Variants in SEMA3E observed in about 807,000 individuals in gnomAD.
SEMA3E encodes semaphorin 3E.
In SEMA3E, 49 loss-of-function variants were observed where a neutral mutation model predicts 93.6. The ratio of observed to expected loss-of-function variants is 0.52; its 90% CI spans 0.42 to 0.66. The LOEUF (loss-of-function observed/expected upper bound fraction) is 0.66. Ranked by LOEUF, SEMA3E falls within the 30% of genes least tolerant of loss-of-function variation. SEMA3E has a pLI of 0.00. For missense variants in SEMA3E, 906 were observed against 964.8 expected (o/e 0.94, Z 0.81); for synonymous variants, 363 against 330.7 (o/e 1.10, Z -1.06).
At chr7:83,619,160 C>A (rs1221690225) in intron 1 of SEMA3E, among the ~76,000 whole-genome samples, 1 of 151,346 alleles carries the variant, frequency 6.6e-6, no homozygotes, top group Admixed American at 6.6e-5. Context: ...TATTTTTGTT[C>A]TTATTATGTA....
chr7:83,438,492 A>G (rs1789047819), intron 4 of SEMA3E, among the ~76,000 whole-genome samples: 1 of 152,178 alleles, frequency 6.6e-6, no homozygotes, highest in African/African-American at 2.4e-5. Flanking sequence ...AAATGTAAGT[A>G]TGATTGGCTA....
intron 1 of SEMA3E, among the ~76,000 whole-genome samples, chr7:83,542,863 T>TAAAAA (rs1395346614): frequency 2.6e-5 from 4 of 152,146 alleles, no homozygotes; most frequent in African/African-American, 7.2e-5. Flanking sequence ...TGGTAGATCT[T>TAAAAA]GAAAAACTTT....
At chr7:83,560,564 A>G (rs538138595) in intron 1 of SEMA3E, among the ~76,000 whole-genome samples, 1 of 152,152 alleles carries the variant, frequency 6.6e-6, no homozygotes, top group Non-Finnish European at 1.5e-5. Flanking sequence ...CTATTTGTAA[A>G]TTCATTTCAA....
In SEMA3E at chr7:83,454,272, A is replaced by T. The variant is rs7795324; in HGVS notation, c.456+12210T>A. ...GACTCCGACTCAAAAAAAAAAAAAAAATATATATATATATATATATATATA... is the reference window on the plus strand; with the variant it reads ...GACTCCGACTCAAAAAAAAAAAAAATATATATATATATATATATATATATA... On this transcript the variant is annotated intron_variant, in intron 4 of 16. Coordinates refer to ENST00000643230, the MANE Select transcript of SEMA3E (RefSeq NM_012431.3). 3.9e-3 allele frequency among the ~76,000 whole-genome samples: 433 copies of T among 109,994 alleles called. 4 individuals carry two copies. The highest frequency in any genetic ancestry group is 0.018 in the African/African-American group (415 of 22,992). 72.2% of individuals were successfully genotyped at this position (109,994 alleles called of 152,430 possible).
intron 3 of SEMA3E, among the ~76,000 whole-genome samples, chr7:83,468,842 A>G (rs1789831956): frequency 6.6e-6 from 1 of 152,194 alleles, no homozygotes; most frequent in African/African-American, 2.4e-5. Flanking sequence ...CCTCTCTCAA[A>G]CTTTTTGTTT....
chr7:83,494,204 A>G (rs1790442631), intron 1 of SEMA3E, among the ~76,000 whole-genome samples: 1 of 151,764 alleles, frequency 6.6e-6, no homozygotes, highest in Admixed American at 6.6e-5. Flanking sequence ...TCATCCGCTA[A>G]TATCTGTTAC....
intron 1 of SEMA3E, among the ~76,000 whole-genome samples, chr7:83,617,650 A>C (rs1472279354): frequency 2.6e-5 from 2 of 75,494 alleles, no homozygotes; most frequent in Non-Finnish European, 2.9e-5. Flanking sequence ...AATATAATTT[A>C]TTAATTAATA....
At chr7:83,498,440 T>A (rs1053384554) in intron 1 of SEMA3E, among the ~76,000 whole-genome samples, 3 of 152,144 alleles carry the variant, frequency 2.0e-5, no homozygotes, top group African/African-American at 7.2e-5. Flanking sequence ...AATTTAGAGA[T>A]AATTTTTTTC....
At chr7:83,611,170 C>T (rs1380711278) in intron 1 of SEMA3E, among the ~76,000 whole-genome samples, 3 of 149,946 alleles carry the variant, frequency 2.0e-5, no homozygotes, top group South Asian at 2.1e-4. Context: ...TTAAGAAATC[C>T]CGTCTCTTAC....
At chr7:83,445,689 G>T (rs190229731) in intron 4 of SEMA3E, among the ~76,000 whole-genome samples, 25 of 152,200 alleles carry the variant, frequency 1.6e-4, no homozygotes, top group African/African-American at 6.0e-4. Flanking sequence ...TTGCATTCCA[G>T]CCTGGGCAAC....
intron 4 of SEMA3E, among the ~76,000 whole-genome samples, chr7:83,444,546 G>C (rs1468442026): frequency 1.3e-5 from 2 of 152,164 alleles, no homozygotes; most frequent in African/African-American, 4.8e-5. Flanking sequence ...ATCCAACAGA[G>C]GGTAGATGTA....
chr7:83,516,082 C>G (rs1790921738), intron 1 of SEMA3E, among the ~76,000 whole-genome samples: 1 of 151,184 alleles, frequency 6.6e-6, no homozygotes, highest in South Asian at 2.1e-4. Flanking sequence ...GAAAGGAAAA[C>G]AACTGTTTGT....
chr7:83,631,368 A>G (rs536790874), intron 1 of SEMA3E, among the ~76,000 whole-genome samples: 3 of 152,306 alleles, frequency 2.0e-5, no homozygotes, highest in Non-Finnish European at 2.9e-5. Context: ...ATATACTTTA[A>G]TTAAAATTTA....
intron 1 of SEMA3E, among the ~76,000 whole-genome samples, chr7:83,514,249 C>G (rs1790883743): frequency 6.6e-6 from 1 of 152,096 alleles, no homozygotes; most frequent in South Asian, 2.1e-4. Flanking sequence ...AATGGGCAAC[C>G]AGCAGCCCTC....
intron 1 of SEMA3E, among the ~76,000 whole-genome samples, chr7:83,616,009 T>G (rs377139447): frequency 6.6e-6 from 1 of 150,514 alleles, no homozygotes; most frequent in Non-Finnish European, 1.5e-5. Flanking sequence ...AAAAAAAACA[T>G]TGGTAAATTG....
At chr7:83,409,250 G>T (rs1039510119) in intron 5 of SEMA3E, among the ~76,000 whole-genome samples, 3 of 152,054 alleles carry the variant, frequency 2.0e-5, no homozygotes, top group African/African-American at 4.8e-5. Context: ...ATAACTTAAG[G>T]GAGAGTATAA....
At chr7:83,577,951 A>C (rs1264397544) in intron 1 of SEMA3E, among the ~76,000 whole-genome samples, 1 of 152,044 alleles carries the variant, frequency 6.6e-6, no homozygotes, top group Admixed American at 6.5e-5. Context: ...TTTTACCTTT[A>C]AATAAAGTCA....
chr7:83,587,198 A>G (rs537897965), intron 1 of SEMA3E, among the ~76,000 whole-genome samples: 1 of 152,342 alleles, frequency 6.6e-6, no homozygotes, highest in South Asian at 2.1e-4. Context: ...ATTTATATAT[A>G]TATGTTCACA....
chr7:83,486,531 C>T (rs1790260421), intron 2 of SEMA3E, among the ~76,000 whole-genome samples: 2 of 152,216 alleles, frequency 1.3e-5, no homozygotes, highest in Non-Finnish European at 1.5e-5. Context: ...CTGGTGAGCA[C>T]CGAAGAACTG....
Sources: gnomAD v4.1 joint callset for allele counts (sites outside exome capture counted in the v4.1 genomes callset) on GRCh38, gnomAD v4.1.1 for gene constraint, MANE v1.5 for transcripts, NCBI Gene and HGNC (gene_info 2026-07-23, HGNC 2026-07-21) for gene names.